The following SCN10A variants were observed in gnomAD, a reference collection of about 807,000 sequenced individuals.
The protein encoded by SCN10A is sodium voltage-gated channel alpha subunit 10.
Under a neutral mutation model 170.7 loss-of-function variants are expected in SCN10A, and 162 were observed. That is an observed-to-expected ratio of 0.95 (90% confidence interval 0.84 to 1.08). SCN10A has a LOEUF of 1.08. Ranked by LOEUF, SCN10A falls within the 50% of genes least tolerant of loss-of-function variation. SCN10A has a pLI of 0.00. For missense variants in SCN10A, 2,527 were observed against 2,436.9 expected (o/e 1.04, Z -0.78); for synonymous variants, 985 against 904.6 (o/e 1.09, Z -1.59).
chr3:38,733,336 T>C (rs1406660061), intron 15 of SCN10A, among the ~76,000 whole-genome samples: 1 of 152,174 alleles, frequency 6.6e-6, no homozygotes, highest in Non-Finnish European at 1.5e-5. Flanking sequence ...CATTAGGCTA[T>C]GATACGAGTG....
chr3:38,793,044 A>G (rs1406440289), intron 2 of SCN10A, among the ~76,000 whole-genome samples: 2 of 152,002 alleles, frequency 1.3e-5, no homozygotes, highest in East Asian at 1.9e-4. Context: ...ATGTATATAT[A>G]TAGTGTATAG....
intron 15 of SCN10A, among the ~76,000 whole-genome samples, chr3:38,734,473 CAATGTATTAAA>C (rs2063540291): frequency 6.6e-6 from 1 of 152,180 alleles, no homozygotes; most frequent in African/African-American, 2.4e-5. Context: ...CTAAATCTTC[CAATGTATTAAA>C]AAATGCATCA....
intron 26 of SCN10A, among the ~76,000 whole-genome samples, chr3:38,702,916 A>C (rs943238301): frequency 1.3e-5 from 2 of 152,094 alleles, no homozygotes; most frequent in Non-Finnish European, 2.9e-5. Flanking sequence ...TGAACATCTT[A>C]CTGCTCTGTG....
At chr3:38,748,348 T>A (rs1442560643) in intron 13 of SCN10A, among the ~76,000 whole-genome samples, 1 of 152,240 alleles carries the variant, frequency 6.6e-6, no homozygotes, top group Admixed American at 6.5e-5. Flanking sequence ...GTACACGTTG[T>A]TGTTGAGAAA....
chr3:38,701,763 T>C, intron 27 of SCN10A, 76 bp downstream of exon 27: 1 of 1,413,396 alleles, frequency 7.1e-7, no homozygotes, highest in South Asian at 1.4e-5. Context: ...GTTGGTTATT[T>C]CCTTGGTTTT....
intron 21 of SCN10A, among the ~76,000 whole-genome samples, chr3:38,717,772 C>T (rs1044232396): frequency 1.3e-5 from 2 of 152,236 alleles, no homozygotes; most frequent in South Asian, 2.1e-4. Context: ...CAGAGACCAA[C>T]ACAGCACATG....
chr3:38,815,584 C>T (rs1434478479), intron 1 of SCN10A, among the ~76,000 whole-genome samples: 1 of 152,196 alleles, frequency 6.6e-6, no homozygotes, highest in African/African-American at 2.4e-5. Flanking sequence ...ACCACTGACC[C>T]GGAGACCATG....
At chr3:38,760,001 C>T (rs781094408) in intron 8 of SCN10A, among the ~76,000 whole-genome samples, 21 of 152,152 alleles carry the variant, frequency 1.4e-4, no homozygotes, top group Non-Finnish European at 2.8e-4. Context: ...GAGCATTTGA[C>T]ACAAATAAGT....
chr3:38,789,975 C>T (rs1364057348), intron 3 of SCN10A, among the ~76,000 whole-genome samples: 1 of 152,104 alleles, frequency 6.6e-6, no homozygotes, highest in East Asian at 1.9e-4. Flanking sequence ...TCAATTTGAG[C>T]AGAAGTATTT....
intron 13 of SCN10A, among the ~76,000 whole-genome samples, chr3:38,743,694 T>C (rs1403250254): frequency 6.6e-6 from 1 of 152,226 alleles, no homozygotes; most frequent in African/African-American, 2.4e-5. Context: ...TTTTCTCCCA[T>C]ATTTCTCCAC....
intron 21 of SCN10A, among the ~76,000 whole-genome samples, chr3:38,718,286 C>G (rs555635702): frequency 1.3e-5 from 2 of 152,328 alleles, no homozygotes; most frequent in African/African-American, 4.8e-5. Flanking sequence ...TGGGAAGATT[C>G]TCTGTGCTCA....
intron 1 of SCN10A, among the ~76,000 whole-genome samples, chr3:38,803,197 T>C (rs1482819038): frequency 6.6e-6 from 1 of 152,318 alleles, no homozygotes; most frequent in East Asian, 1.9e-4. Flanking sequence ...TTTACACTGT[T>C]GGTGGGACTG....
intron 1 of SCN10A, among the ~76,000 whole-genome samples, chr3:38,805,467 C>G (rs1195610712): frequency 6.6e-6 from 1 of 152,056 alleles, no homozygotes; most frequent in Non-Finnish European, 1.5e-5. Flanking sequence ...TGTGACCAGA[C>G]TGGTCAAGAC....
At position 38,722,413 on chromosome 3, in the gene SCN10A, C is replaced by T; in HGVS notation, c.3353-1G>A. ...CAGCAGGGACAGTGGCGAATGCATC[C>T]TGTGGGGAGAGGTGACTGATGGTGG... On this transcript the variant is annotated splice_acceptor_variant, in intron 19 of 27. Coordinates refer to ENST00000449082, the MANE Select transcript of SCN10A (RefSeq NM_006514.4). LOFTEE classifies it high-confidence loss of function. The T allele has an allele frequency of 6.2e-7, 1 of 1,613,016 alleles. No homozygotes were observed. The highest frequency in any genetic ancestry group is 8.5e-7 in the Non-Finnish European group (1 of 1,179,516).
chr3:38,751,474 T>C lies in SCN10A; in HGVS notation c.1755+745A>G, dbSNP rs528563285. Among the ~76,000 whole-genome samples, 6 of 152,374 alleles carry C rather than the reference T, an allele frequency of 3.9e-5. No individual in the cohort carries two copies. The South Asian group carries it at 1.2e-3, about 32-fold the overall frequency. ...GAGTCAGAGACTGAGCTAAGGCAAC[T>C]CTAAGACTTATCTGTATCAGTGGAA... On this transcript the variant is annotated intron_variant, in intron 12 of 27. Transcript: ENST00000449082.
At chr3:38,733,987 T>C (rs915190836) in intron 15 of SCN10A, among the ~76,000 whole-genome samples, 1 of 152,104 alleles carries the variant, frequency 6.6e-6, no homozygotes, top group African/African-American at 2.4e-5. Context: ...CCAACAGTGC[T>C]GGGATTACAG....
intron 1 of SCN10A, among the ~76,000 whole-genome samples, chr3:38,810,626 T>C (rs1044330661): frequency 7.2e-5 from 11 of 152,200 alleles, no homozygotes; most frequent in African/African-American, 2.7e-4. Flanking sequence ...TAAAATTATA[T>C]TTATTTGTGT....
In SCN10A at chr3:38,712,371, G is replaced by C. The variant is rs2063284436; in HGVS notation, c.3879C>G (p.Leu1293=). Reference sequence around the variant, plus strand: ...GGTTCACACCCATGATGCTGAAGATGAGCCAGAAGATGAGGCAGACGAGGA... The same window carrying C: ...GGTTCACACCCATGATGCTGAAGATCAGCCAGAAGATGAGGCAGACGAGGA... The part of the protein sequence containing the change: ...NVLLVCLIFW[L]IFSIMGVNLF... Residue 1293 remains leucine, a synonymous_variant, in exon 23 of 28, where the codon CTC becomes CTG. Coordinates refer to ENST00000449082, the MANE Select transcript of SCN10A (RefSeq NM_006514.4). 6.2e-7 allele frequency: 1 copy of C among 1,614,182 alleles called. No individual in the cohort carries two copies. Among genetic ancestry groups the C allele is most frequent in the Non-Finnish European group, 8.5e-7 (1 of 1,180,028 alleles).
chr3:38,729,277 T>A (rs2063491038), intron 15 of SCN10A, among the ~76,000 whole-genome samples: 1 of 152,122 alleles, frequency 6.6e-6, no homozygotes, highest in South Asian at 2.1e-4. Context: ...AGAACAAGCT[T>A]ATTTATGACT....
Sources: gnomAD v4.1 joint callset for allele counts (sites outside exome capture counted in the v4.1 genomes callset) on GRCh38, gnomAD v4.1.1 for gene constraint, MANE v1.5 for transcripts, NCBI Gene and HGNC (gene_info 2026-07-23, HGNC 2026-07-21) for gene names.